Variants in STPG2 observed in about 807,000 individuals in gnomAD.
STPG2 encodes the protein sperm tail PG-rich repeat containing 2.
STPG2 carries 56 observed loss-of-function variants against 54.2 expected under a neutral mutation model. That is an observed-to-expected ratio of 1.03 (90% CI 0.83 to 1.29). The LOEUF is 1.29. Among genes scored for constraint, STPG2 ranks in the 50% most tolerant of loss-of-function variants. STPG2 has a pLI of 0.00. For synonymous variants in STPG2, 200 were observed against 181.8 expected, an observed-to-expected ratio of 1.10 and a Z score of -0.81; for missense variants, 596 against 544.9, an observed-to-expected ratio of 1.09 and a Z score of -0.93.
chr4:97,584,686 C>G (rs565315663), intron 10 of STPG2, among the ~76,000 whole-genome samples: 4 of 151,738 alleles, frequency 2.6e-5, no homozygotes, highest in Non-Finnish European at 5.9e-5. Flanking sequence ...AGAAATGAAA[C>G]AGGAGATATT....
At chr4:97,498,379 A>G (rs1020557693) in intron 4 of STPG2, among the ~76,000 whole-genome samples, 2 of 152,006 alleles carry the variant, frequency 1.3e-5, no homozygotes, top group African/African-American at 4.8e-5. Flanking sequence ...TAAATTTAAG[A>G]TTTAGAAAAA....
At chr4:98,021,664 A>C (rs574165056) in intron 5 of STPG2, among the ~76,000 whole-genome samples, 1 of 151,880 alleles carries the variant, frequency 6.6e-6, no homozygotes, top group Non-Finnish European at 1.5e-5. Context: ...GTCTCTTTGT[A>C]GGTCACTCAG....
intron 4 of STPG2, among the ~76,000 whole-genome samples, chr4:97,463,273 T>C (rs970351495): frequency 6.6e-6 from 1 of 152,196 alleles, no homozygotes; most frequent in Non-Finnish European, 1.5e-5. Flanking sequence ...ACTACAATTT[T>C]TTTATTTAAA....
At chr4:97,512,842 G>A (rs975430539) in intron 4 of STPG2, among the ~76,000 whole-genome samples, 1 of 151,996 alleles carries the variant, frequency 6.6e-6, no homozygotes, top group African/African-American at 2.4e-5. Flanking sequence ...ACAGATGTGT[G>A]GAGCTTCCCC....
intron 4 of STPG2, among the ~76,000 whole-genome samples, chr4:97,474,736 GA>G (rs991835178): frequency 1.5e-4 from 22 of 151,430 alleles, no homozygotes; most frequent in African/African-American, 5.1e-4. Context: ...GAAGCCAGTA[GA>G]AAAAAAACCC....
chr4:97,887,763 A>G (rs1730632011), intron 8 of STPG2, among the ~76,000 whole-genome samples: 1 of 152,162 alleles, frequency 6.6e-6, no homozygotes, highest in African/African-American at 2.4e-5. Context: ...AAAGACAATG[A>G]AAATAAGACT....
intron 5 of STPG2, among the ~76,000 whole-genome samples, chr4:98,053,072 G>A (rs1560656746): frequency 6.6e-6 from 1 of 152,306 alleles, no homozygotes; most frequent in South Asian, 2.1e-4. Context: ...CTCAATGGCT[G>A]GCTAGTTGGT....
At chr4:98,078,608 T>C (rs1738246647) in intron 5 of STPG2, among the ~76,000 whole-genome samples, 1 of 151,164 alleles carries the variant, frequency 6.6e-6, no homozygotes, top group Non-Finnish European at 1.5e-5. Context: ...AAAGCAGGTG[T>C]GCAAAGAGTG....
At chr4:97,981,655 C>A (rs1734679926) in intron 5 of STPG2, among the ~76,000 whole-genome samples, 1 of 151,276 alleles carries the variant, frequency 6.6e-6, no homozygotes, top group Non-Finnish European at 1.5e-5. Flanking sequence ...AAATAAAAAA[C>A]TATATGATCT....
intron 10 of STPG2, among the ~76,000 whole-genome samples, chr4:97,577,980 A>G (rs1228565856): frequency 1.3e-5 from 2 of 152,030 alleles, no homozygotes; most frequent in Admixed American, 6.6e-5. Context: ...ACATATATCC[A>G]TTTTCAGAAA....
intron 4 of STPG2, among the ~76,000 whole-genome samples, chr4:97,449,753 T>A (rs2148796917): frequency 6.6e-6 from 1 of 152,278 alleles, no homozygotes; most frequent in Admixed American, 6.5e-5. Flanking sequence ...AGATTTATAG[T>A]TTTTCATTGA....
At chr4:97,914,451 T>C (rs28584194) in intron 8 of STPG2, among the ~76,000 whole-genome samples, 9,389 of 152,202 alleles carry the variant, frequency 0.062, 378 homozygotes, top group East Asian at 0.12. Context: ...ACATAAAATG[T>C]ATCATTTTTA....
intron 4 of STPG2, among the ~76,000 whole-genome samples, chr4:97,453,695 G>A (rs1256695859): frequency 6.6e-6 from 1 of 152,174 alleles, no homozygotes; most frequent in Non-Finnish European, 1.5e-5. Flanking sequence ...TCAGGAAGTT[G>A]AAAGTTTGCC....
intron 10 of STPG2, among the ~76,000 whole-genome samples, chr4:97,605,255 T>C (rs1052449880): frequency 1.3e-5 from 2 of 151,802 alleles, no homozygotes; most frequent in African/African-American, 2.4e-5. Flanking sequence ...AAGAAAAGAA[T>C]TTCCAAAATC....
chr4:97,494,697 G>A (rs1354506735), intron 4 of STPG2, among the ~76,000 whole-genome samples: 1 of 143,978 alleles, frequency 6.9e-6, no homozygotes, highest in African/African-American at 2.6e-5. Flanking sequence ...ATGCTGTAAT[G>A]GGATGAGAGT....
intron 9 of STPG2, among the ~76,000 whole-genome samples, chr4:97,761,345 G>A (rs1010701572): frequency 1.3e-5 from 2 of 152,082 alleles, no homozygotes; most frequent in Admixed American, 6.6e-5. Flanking sequence ...AGACACAAAC[G>A]TACAGAGGGA....
Position 98,046,395 on chromosome 4 carries a change from T to C in STPG2, c.612+59558A>G, listed in dbSNP as rs146861852. 1.3e-4 allele frequency among the ~76,000 whole-genome samples: 20 copies of C among 152,344 alleles called. No individual in the cohort carries two copies. The East Asian group carries it at 3.9e-3, about 29-fold the overall frequency. On this transcript the variant is annotated intron_variant, in intron 5 of 10. Coordinates refer to ENST00000295268, the MANE Select transcript of STPG2 (RefSeq NM_174952.3). ...ATATTTCCCTATTTCTTCATCTTCC[T>C]TGACTCTCTTTATTGCTTTTGGCAT...
At chr4:98,025,770 A>G in intron 5 of STPG2, 1 of 1,569,522 alleles carries the variant, frequency 6.4e-7, no homozygotes. Flanking sequence ...ACTGGCGATG[A>G]ATACAATGTG....
intron 4 of STPG2, among the ~76,000 whole-genome samples, chr4:97,510,693 C>T (rs992104591): frequency 6.6e-6 from 1 of 152,100 alleles, no homozygotes; most frequent in Non-Finnish European, 1.5e-5. Context: ...AAGGAGCACA[C>T]AACCTAGATC....
Sources: allele counts gnomAD v4.1 joint callset (sites outside exome capture counted in the v4.1 genomes callset), GRCh38; gene constraint gnomAD v4.1.1; transcripts MANE v1.5; gene names NCBI Gene and HGNC (gene_info 2026-07-23, HGNC 2026-07-21).